Variants in REEP1 observed in about 807,000 individuals in gnomAD.
REEP1 encodes the protein receptor accessory protein 1, also known as receptor expression-enhancing protein 1.
In REEP1, 22 loss-of-function variants were observed where a neutral mutation model predicts 40.3. The observed-to-expected ratio is 0.55, with a 90% confidence interval of 0.39 to 0.78. The LOEUF is 0.78. REEP1 is among the 30% of genes least tolerant of loss of function. The pLI, the probability that REEP1 is intolerant of heterozygous loss-of-function variation, is 0.00. For missense variants in REEP1, 280 were observed against 361.1 expected (o/e 0.78, Z 1.82); for synonymous variants, 116 against 139.2 (o/e 0.83, Z 1.17).
intron 1 of REEP1, among the ~76,000 whole-genome samples, chr2:86,284,703 G>A (rs1394156891): frequency 1.3e-5 from 2 of 152,136 alleles, no homozygotes; most frequent in Non-Finnish European, 2.9e-5. Flanking sequence ...AGAGACAGGT[G>A]GGAAGTACAG....
rs1418297312 is a variant in REEP1, at chr2:86,216,110, C to G, written c.*929G>C. 1 of 152,220 alleles carries G rather than the reference C, an allele frequency of 6.6e-6. No homozygotes were observed. The highest frequency in any genetic ancestry group is 1.5e-5 in the Non-Finnish European group (1 of 68,050). 9.4% of individuals were successfully genotyped at this position (152,220 alleles called of 1,614,324 possible). On this transcript the variant is annotated 3_prime_UTR_variant, in exon 9 of 9. Transcript: ENST00000538924. Reference sequence around the variant, plus strand: ...CTCCTCTGTCAGGAAATCGGCAGCACTGGTCACGATAAAGGAGAAATCGTC... The same window carrying G: ...CTCCTCTGTCAGGAAATCGGCAGCAGTGGTCACGATAAAGGAGAAATCGTC...
intron 2 of REEP1, among the ~76,000 whole-genome samples, chr2:86,266,869 TG>T (rs1677171186): frequency 6.6e-6 from 1 of 150,538 alleles, no homozygotes; most frequent in Non-Finnish European, 1.5e-5. Context: ...TAGCCGGGCA[TG>T]GTGGTGGGCA....
chr2:86,247,416 A>C (rs1676032390), intron 5 of REEP1, among the ~76,000 whole-genome samples: 1 of 152,174 alleles, frequency 6.6e-6, no homozygotes, highest in Non-Finnish European at 1.5e-5. Context: ...TAACATTAAT[A>C]AGCTGGGCAT....
chr2:86,278,721 A>G (rs539670304), intron 2 of REEP1, among the ~76,000 whole-genome samples: 149 of 152,286 alleles, frequency 9.8e-4, no homozygotes, highest in African/African-American at 3.1e-3. Context: ...CCTCAAAAGC[A>G]CAAGCAGCCA....
chr2:86,329,963 G>A (rs1036783530), intron 1 of REEP1, among the ~76,000 whole-genome samples: 1 of 152,198 alleles, frequency 6.6e-6, no homozygotes, highest in Non-Finnish European at 1.5e-5. Context: ...ACCTAGGAGA[G>A]GCTTCATGGA....
chr2:86,241,456 G>A (rs962581630), intron 5 of REEP1, among the ~76,000 whole-genome samples: 1 of 152,196 alleles, frequency 6.6e-6, no homozygotes, highest in Non-Finnish European at 1.5e-5. Context: ...AAGGCCAAGA[G>A]AGAGCTGATC....
At chr2:86,317,353 GT>G (rs997187971) in intron 1 of REEP1, among the ~76,000 whole-genome samples, 3 of 152,162 alleles carry the variant, frequency 2.0e-5, no homozygotes. Context: ...TGGAATTAGA[GT>G]TGAATTTCTT....
Position 86,232,829 on chromosome 2 carries a change from G to A in REEP1, c.418-27C>T, listed in dbSNP as rs201665589. The stretch of plus-strand genomic sequence containing the variant: ...TGGATACAACACAGGAGGGGCACAC[G>A]TCAGAGGTCCTGCTCCACAGGTCAC... On this transcript the variant is annotated intron_variant, in intron 5 of 8. Coordinates refer to ENST00000538924, the MANE Select transcript of REEP1 (RefSeq NM_001371279.1). The A allele has an allele frequency of 1.1e-4, 168 of 1,594,456 alleles. 1 individual carries two copies. The Admixed American group carries it at 1.5e-3, about 14-fold the overall frequency.
intron 3 of REEP1, 44 bp from the exon 4 acceptor site, chr2:86,254,858 A>G: frequency 6.2e-7 from 1 of 1,608,268 alleles, no homozygotes; most frequent in Admixed American, 1.7e-5. Flanking sequence ...GGTTCTCAGC[A>G]ACACTGCCCT....
At chr2:86,252,347 T>G (rs1463963320) in intron 4 of REEP1, among the ~76,000 whole-genome samples, 2 of 151,928 alleles carry the variant, frequency 1.3e-5, no homozygotes, top group Admixed American at 1.3e-4. Context: ...CTCCAGGAGG[T>G]TCTGGATATG....
intron 2 of REEP1, among the ~76,000 whole-genome samples, chr2:86,281,192 G>C (rs1678063203): frequency 6.6e-6 from 1 of 152,014 alleles, no homozygotes; most frequent in South Asian, 2.1e-4. Context: ...TGGTCTAATG[G>C]TTCTCCTGCC....
intron 1 of REEP1, among the ~76,000 whole-genome samples, chr2:86,320,226 T>G (rs1436719380): frequency 2.0e-5 from 3 of 152,246 alleles, no homozygotes; most frequent in African/African-American, 7.2e-5. Context: ...GTATTTCCCC[T>G]GAAAACTTGT....
intron 2 of REEP1, among the ~76,000 whole-genome samples, chr2:86,272,244 T>C: frequency 6.6e-6 from 1 of 152,154 alleles, no homozygotes; most frequent in Non-Finnish European, 1.5e-5. Context: ...TAAAAATCCC[T>C]TTCCTTGATG....
At chr2:86,284,879 T>C (rs899979032) in intron 1 of REEP1, among the ~76,000 whole-genome samples, 4 of 152,172 alleles carry the variant, frequency 2.6e-5, no homozygotes, top group South Asian at 2.1e-4. Context: ...TCCTGTGTTA[T>C]AGCACAAGGT....
intron 1 of REEP1, among the ~76,000 whole-genome samples, chr2:86,294,220 T>A (rs1678865856): frequency 6.6e-6 from 1 of 152,218 alleles, no homozygotes; most frequent in African/African-American, 2.4e-5. Flanking sequence ...GGAGATTGGT[T>A]GTACAACAAT....
chr2:86,232,927 G>A (rs911080753), intron 5 of REEP1, 125 bp from the exon 6 acceptor site: 18 of 944,782 alleles, frequency 1.9e-5, no homozygotes, highest in African/African-American at 1.1e-4. Context: ...ACTCTGAGGC[G>A]CAGGTGCCCA....
intron 6 of REEP1, among the ~76,000 whole-genome samples, chr2:86,229,485 C>T (rs1211119862): frequency 1.3e-5 from 2 of 152,094 alleles, no homozygotes; most frequent in East Asian, 3.9e-4. Context: ...CTTCCTCTGC[C>T]AGACTTCCTC....
chr2:86,229,039 A>G (rs1484238516), intron 6 of REEP1, among the ~76,000 whole-genome samples: 1 of 152,234 alleles, frequency 6.6e-6, no homozygotes, highest in African/African-American at 2.4e-5. Context: ...GCTGCAGAGA[A>G]TTCCACGAGG....
Position 86,229,436 on chromosome 2 carries a change from G to T in REEP1, c.596-2038C>A, listed in dbSNP as rs575164889. ...CTGGCATCTGAGGCCCACACTGGGG[G>T]CTGAGCTGGGGAGAGTACACCAGCC... On this transcript the variant is annotated intron_variant, in intron 6 of 8. Transcript: ENST00000538924. Among the ~76,000 whole-genome samples, 115 of 152,196 alleles carry T rather than the reference G, an allele frequency of 7.6e-4. 1 individual carries two copies. Among genetic ancestry groups the T allele is most frequent in the African/African-American group, 2.6e-3 (110 of 41,520 alleles).
Sources: gnomAD v4.1 joint callset for allele counts (sites outside exome capture counted in the v4.1 genomes callset) on GRCh38, gnomAD v4.1.1 for gene constraint, MANE v1.5 for transcripts, NCBI Gene and HGNC (gene_info 2026-07-23, HGNC 2026-07-21) for gene names.